The following ARHGAP24 variants were observed in gnomAD, a reference collection of about 807,000 sequenced individuals.
ARHGAP24 encodes the protein Rho GTPase activating protein 24.
In ARHGAP24, 50 loss-of-function variants were observed where a neutral mutation model predicts 76.4. The ratio of observed to expected loss-of-function variants is 0.65; its 90% CI spans 0.52 to 0.83. ARHGAP24 has a LOEUF of 0.83. Ranked by LOEUF, ARHGAP24 falls within the 40% of genes least tolerant of loss-of-function variation. The probability of loss-of-function intolerance (pLI) is 0.00; values close to 1 mark genes in which losing one functional copy is unlikely to be tolerated. For synonymous variants in ARHGAP24, 345 were observed against 323.3 expected (o/e 1.07, Z -0.72); for missense variants, 930 against 914.2 (o/e 1.02, Z -0.22).
chr4:85,487,161 T>TATAAA (rs1723090113), intron 1 of ARHGAP24, among the ~76,000 whole-genome samples: 2 of 137,882 alleles, frequency 1.5e-5, no homozygotes, highest in Admixed American at 1.6e-4. Context: ...TGTATATATA[T>TATAAA]ATAAATATAT....
At chr4:85,562,649 A>G (rs1166259153) in intron 1 of ARHGAP24, among the ~76,000 whole-genome samples, 1 of 152,048 alleles carries the variant, frequency 6.6e-6, no homozygotes. Context: ...ATACTCCCTA[A>G]TAGTATCCTC....
chr4:85,849,816 G>A (rs1378940404), intron 3 of ARHGAP24, among the ~76,000 whole-genome samples: 1 of 152,112 alleles, frequency 6.6e-6, no homozygotes, highest in Admixed American at 6.6e-5. Flanking sequence ...TCTTGGTGGA[G>A]AAGCTTTTTG....
chr4:85,976,531 T>C (rs553006640), intron 7 of ARHGAP24, among the ~76,000 whole-genome samples: 1 of 152,118 alleles, frequency 6.6e-6, no homozygotes, highest in Admixed American at 6.5e-5. Context: ...TATATAAATA[T>C]GTTATTTTAA....
intron 5 of ARHGAP24, among the ~76,000 whole-genome samples, chr4:85,961,297 G>A (rs1371669177): frequency 1.3e-5 from 1 of 77,426 alleles, no homozygotes; most frequent in African/African-American, 8.5e-5. Flanking sequence ...ATAAAAGATT[G>A]TTGAAGTAAA....
At chr4:85,640,322 C>T (rs1022505621) in intron 2 of ARHGAP24, among the ~76,000 whole-genome samples, 4 of 152,130 alleles carry the variant, frequency 2.6e-5, no homozygotes, top group African/African-American at 9.7e-5. Context: ...GACTTTCACC[C>T]ACCTTTCCAT....
chr4:85,819,118 T>C (rs1729366233), intron 3 of ARHGAP24, among the ~76,000 whole-genome samples: 1 of 152,240 alleles, frequency 6.6e-6, no homozygotes, highest in African/African-American at 2.4e-5. Context: ...TTTTTACACA[T>C]CCTTCCTCTA....
intron 1 of ARHGAP24, among the ~76,000 whole-genome samples, chr4:85,561,629 T>A (rs1318387004): frequency 6.6e-6 from 1 of 152,260 alleles, no homozygotes; most frequent in Non-Finnish European, 1.5e-5. Flanking sequence ...CTATATGTCC[T>A]TCTCTGCATC....
At chr4:85,557,068 G>A (rs1157743657) in intron 1 of ARHGAP24, among the ~76,000 whole-genome samples, 1 of 152,162 alleles carries the variant, frequency 6.6e-6, no homozygotes, top group African/African-American at 2.4e-5. Flanking sequence ...CAGGAGGGTG[G>A]GTTGCAGAGA....
At chr4:85,948,770 G>A (rs1243545615) in intron 5 of ARHGAP24, among the ~76,000 whole-genome samples, 1 of 152,078 alleles carries the variant, frequency 6.6e-6, no homozygotes, top group Non-Finnish European at 1.5e-5. Context: ...AACAGGAGTG[G>A]TATACTCATA....
intron 1 of ARHGAP24, among the ~76,000 whole-genome samples, chr4:85,553,277 C>G (rs1311155625): frequency 1.3e-5 from 2 of 152,112 alleles, no homozygotes; most frequent in African/African-American, 2.4e-5. Context: ...GCTTACACAG[C>G]AGGGAAGGGG....
chr4:85,678,551 A>G (rs1001862435), intron 2 of ARHGAP24, among the ~76,000 whole-genome samples: 2 of 152,204 alleles, frequency 1.3e-5, no homozygotes, highest in African/African-American at 2.4e-5. Flanking sequence ...GCCAAATAAT[A>G]AAGTCATTTG....
chr4:85,985,429 G>A (rs971120531), intron 8 of ARHGAP24, among the ~76,000 whole-genome samples: 1 of 152,056 alleles, frequency 6.6e-6, no homozygotes, highest in Non-Finnish European at 1.5e-5. Context: ...GGTGCTAAAG[G>A]ATGAGAACAC....
At chr4:85,835,886 A>AT (rs1384828844) in intron 3 of ARHGAP24, among the ~76,000 whole-genome samples, 2 of 152,064 alleles carry the variant, frequency 1.3e-5, no homozygotes, top group Non-Finnish European at 2.9e-5. Flanking sequence ...GGGTTTCACC[A>AT]TGTTGGCCAG....
At chr4:85,794,121 C>A (rs1728244053) in intron 3 of ARHGAP24, among the ~76,000 whole-genome samples, 1 of 152,132 alleles carries the variant, frequency 6.6e-6, no homozygotes, top group Non-Finnish European at 1.5e-5. Flanking sequence ...CTCTGAGGGA[C>A]AAAATTCTTT....
chr4:85,512,360 T>C (rs1383522613), intron 1 of ARHGAP24, among the ~76,000 whole-genome samples: 1 of 152,186 alleles, frequency 6.6e-6, no homozygotes, highest in African/African-American at 2.4e-5. Flanking sequence ...GTCACTATTA[T>C]TTAGGTTGTT....
At chr4:85,576,382 A>G (rs574334725) in intron 2 of ARHGAP24, among the ~76,000 whole-genome samples, 2 of 151,974 alleles carry the variant, frequency 1.3e-5, no homozygotes, top group East Asian at 1.9e-4. Context: ...GTGAGGAGAG[A>G]TCGCGCCACT....
At chr4:85,568,899 G>A (rs904412557) in intron 1 of ARHGAP24, among the ~76,000 whole-genome samples, 1 of 152,144 alleles carries the variant, frequency 6.6e-6, no homozygotes, top group Admixed American at 6.5e-5. Context: ...CAGTGAAGGA[G>A]GCAAATCTTC....
At chr4:85,672,135 C>T (rs1355241933) in intron 2 of ARHGAP24, among the ~76,000 whole-genome samples, 1 of 151,954 alleles carries the variant, frequency 6.6e-6, no homozygotes, top group African/African-American at 2.4e-5. Flanking sequence ...GAATCAGAAA[C>T]CATATGGATT....
intron 2 of ARHGAP24, among the ~76,000 whole-genome samples, chr4:85,600,993 T>C (rs1452022612): frequency 1.3e-5 from 2 of 152,202 alleles, no homozygotes; most frequent in Non-Finnish European, 2.9e-5. Flanking sequence ...TTAGAGTGAC[T>C]TTTACAGGAC....
Sources: allele counts gnomAD v4.1 joint callset (sites outside exome capture counted in the v4.1 genomes callset), GRCh38; gene constraint gnomAD v4.1.1; transcripts MANE v1.5; gene names NCBI Gene and HGNC (gene_info 2026-07-23, HGNC 2026-07-21).